The following ARHGAP22 variants were observed in gnomAD, a reference collection of about 807,000 sequenced individuals.
ARHGAP22 encodes Rho GTPase activating protein 22, also known as rho GTPase-activating protein 22.
A neutral mutation model predicts 59.1 loss-of-function variants in ARHGAP22; 48 were observed. The observed-to-expected ratio is 0.81, with a 90% CI of 0.64 to 1.03. The LOEUF (loss-of-function observed/expected upper bound fraction) is 1.03. Among genes scored for constraint, ARHGAP22 ranks in the 50% least tolerant of loss-of-function variants. The pLI is 0.00. For synonymous variants in ARHGAP22, 445 were observed against 416.4 expected, an observed-to-expected ratio of 1.07 and a Z score of -0.84; for missense variants, 1,015 against 958.7, an observed-to-expected ratio of 1.06 and a Z score of -0.78.
At chr10:48,532,225 C>T (rs895196421) in intron 3 of ARHGAP22, among the ~76,000 whole-genome samples, 10 of 152,080 alleles carry the variant, frequency 6.6e-5, no homozygotes, top group Admixed American at 4.6e-4. Flanking sequence ...TAGAGCCTGT[C>T]CTCCAATCTG....
At chr10:48,505,085 G>A (rs1202085693) in intron 3 of ARHGAP22, among the ~76,000 whole-genome samples, 3 of 152,188 alleles carry the variant, frequency 2.0e-5, no homozygotes, top group South Asian at 4.2e-4. Context: ...ACAAAGTCTC[G>A]CTCTATTGCC....
chr10:48,486,945 C>T (rs1449797242), intron 3 of ARHGAP22, among the ~76,000 whole-genome samples: 1 of 152,144 alleles, frequency 6.6e-6, no homozygotes, highest in Admixed American at 6.5e-5. Flanking sequence ...GAGAATTTTG[C>T]CATCATCCTC....
chr10:48,502,900 C>G (rs111990286), intron 3 of ARHGAP22, among the ~76,000 whole-genome samples: 1,813 of 152,350 alleles, frequency 0.012, 22 homozygotes, highest in African/African-American at 0.031. Flanking sequence ...ACATCATCAA[C>G]AAACTCAAAG....
intron 1 of ARHGAP22, among the ~76,000 whole-genome samples, chr10:48,637,220 G>A (rs375451663): frequency 1.3e-5 from 2 of 152,240 alleles, no homozygotes; most frequent in Non-Finnish European, 1.5e-5. Context: ...TTGTGTCGAG[G>A]TGGGGGGCAA....
At chr10:48,595,308 G>GGA (rs1309294116) in intron 1 of ARHGAP22, among the ~76,000 whole-genome samples, 2 of 152,212 alleles carry the variant, frequency 1.3e-5, no homozygotes, top group Non-Finnish European at 2.9e-5. Context: ...GATTGATTGA[G>GGA]GAGAGAGAGA....
chr10:48,638,400 T>TTGTGTGTGTGTGTGTGTG (rs148218697), intron 1 of ARHGAP22, among the ~76,000 whole-genome samples: 40 of 151,482 alleles, frequency 2.6e-4, no homozygotes, highest in African/African-American at 9.4e-4. Flanking sequence ...AGTGTGTGTG[T>TTGTGTGTGTGTGTGTGTG]TGTGTGTGTG....
At chr10:48,454,872 C>A (rs989464423) in intron 6 of ARHGAP22, 130 bp downstream of exon 6, 2 of 1,271,192 alleles carry the variant, frequency 1.6e-6, no homozygotes, top group Non-Finnish European at 1.0e-6. Flanking sequence ...CACCACACCC[C>A]CAACACAGCA....
chr10:48,507,650 T>A (rs1321479725), intron 3 of ARHGAP22, among the ~76,000 whole-genome samples: 1 of 152,192 alleles, frequency 6.6e-6, no homozygotes, highest in Non-Finnish European at 1.5e-5. Context: ...AAGTGGCACC[T>A]GTGAGCAGTT....
intron 2 of ARHGAP22, among the ~76,000 whole-genome samples, chr10:48,566,827 A>T (rs1209288404): frequency 6.6e-6 from 1 of 151,900 alleles, no homozygotes; most frequent in Non-Finnish European, 1.5e-5. Flanking sequence ...GGCTCCCTGC[A>T]CCCTCCCTAT....
At chr10:48,454,487 C>T (rs144274032) in intron 6 of ARHGAP22, among the ~76,000 whole-genome samples, 2 of 152,288 alleles carry the variant, frequency 1.3e-5, no homozygotes, top group Non-Finnish European at 2.9e-5. Context: ...CCCACATGGC[C>T]GCAGGGAAGG....
intron 2 of ARHGAP22, among the ~76,000 whole-genome samples, chr10:48,563,138 A>G (rs527288387): frequency 1.2e-3 from 184 of 150,884 alleles, no homozygotes; most frequent in Middle Eastern, 6.9e-3. Context: ...CCTTTCCACT[A>G]TAAAGAACTC....
chr10:48,622,976 G>A (rs2061334228), intron 1 of ARHGAP22, among the ~76,000 whole-genome samples: 1 of 152,172 alleles, frequency 6.6e-6, no homozygotes, highest in Non-Finnish European at 1.5e-5. Context: ...CATACTCAAT[G>A]CTTATTCTCA....
At chr10:48,572,529 G>A (rs1349676875) in intron 2 of ARHGAP22, among the ~76,000 whole-genome samples, 1 of 152,204 alleles carries the variant, frequency 6.6e-6, no homozygotes, top group African/African-American at 2.4e-5. Flanking sequence ...TGCCTGCAAT[G>A]CATTTAAATG....
chr10:48,592,669 C>T (rs1449038858), intron 1 of ARHGAP22, among the ~76,000 whole-genome samples: 1 of 152,178 alleles, frequency 6.6e-6, no homozygotes, highest in African/African-American at 2.4e-5. Flanking sequence ...GCACAGAAGG[C>T]CCTCATGTGG....
At chr10:48,564,709 C>G (rs2057937352) in intron 2 of ARHGAP22, among the ~76,000 whole-genome samples, 1 of 152,188 alleles carries the variant, frequency 6.6e-6, no homozygotes, top group South Asian at 2.1e-4. Flanking sequence ...CCCAGAATGC[C>G]CATCCATCAT....
At chr10:48,469,305 GT>G (rs1160567750) in intron 4 of ARHGAP22, among the ~76,000 whole-genome samples, 7 of 152,212 alleles carry the variant, frequency 4.6e-5, no homozygotes, top group Non-Finnish European at 1.0e-4. Context: ...CTCAGGGGTG[GT>G]TTTTAGCTGT....
chr10:48,497,069 A>T (rs1294032746), intron 3 of ARHGAP22, among the ~76,000 whole-genome samples: 4 of 152,046 alleles, frequency 2.6e-5, no homozygotes, highest in Non-Finnish European at 4.4e-5. Context: ...GCTGGTCAGG[A>T]GAAACTGCAT....
intron 4 of ARHGAP22, among the ~76,000 whole-genome samples, chr10:48,462,540 T>C (rs934226668): frequency 6.6e-6 from 1 of 152,172 alleles, no homozygotes; most frequent in Non-Finnish European, 1.5e-5. Flanking sequence ...GCTCCAGGTA[T>C]AGGGAATGTA....
At chr10:48,655,010 CTTT>C (rs2062728976), upstream of ARHGAP22, among the ~76,000 whole-genome samples, 6 of 64,406 alleles carry the variant, frequency 9.3e-5, no homozygotes, top group African/African-American at 3.5e-4. Context: ...CTTTCTTTCT[CTTT>C]CTTTCTTTCT....
Sources: gnomAD v4.1 joint callset for allele counts (sites outside exome capture counted in the v4.1 genomes callset) on GRCh38, gnomAD v4.1.1 for gene constraint, MANE v1.5 for transcripts, NCBI Gene and HGNC (gene_info 2026-07-23, HGNC 2026-07-21) for gene names.